The following RNF13 variants were observed in gnomAD, a reference collection of about 807,000 sequenced individuals.
RNF13 encodes ring finger protein 13.
RNF13 carries 19 observed loss-of-function variants against 37.7 expected under a neutral mutation model. The ratio of observed to expected loss-of-function variants is 0.50; its 90% CI spans 0.35 to 0.74. The LOEUF is 0.74. Among genes scored for constraint, RNF13 ranks in the 30% least tolerant of loss-of-function variants. RNF13 has a pLI of 0.01. For synonymous variants in RNF13, 144 were observed against 157.8 expected (o/e 0.91, Z 0.65); for missense variants, 375 against 453.0 (o/e 0.83, Z 1.56).
chr3:149,869,355 C>A lies in RNF13; in HGVS notation c.196-2674C>A, dbSNP rs796129932. On this transcript the variant is annotated intron_variant, in intron 3 of 9. Coordinates refer to ENST00000392894, the MANE Select transcript of RNF13 (RefSeq NM_183381.3). ...GCGCGGTGGCTCACGCCTGTAATCCCAGCACTTTGGGAGGCTGAGGCGGGC... is the reference window on the plus strand; with the variant it reads ...GCGCGGTGGCTCACGCCTGTAATCCAAGCACTTTGGGAGGCTGAGGCGGGC... 3.9e-5 allele frequency among the ~76,000 whole-genome samples: 6 copies of A among 151,976 alleles called. No individual in the cohort carries two copies. In the East Asian group the frequency reaches 9.6e-4, roughly 24 times the overall value.
At chr3:149,839,761 A>AT (rs202123548) in intron 1 of RNF13, among the ~76,000 whole-genome samples, 1,833 of 152,176 alleles carry the variant, frequency 0.012, 30 homozygotes, top group African/African-American at 0.041. Context: ...ATAGCTAAGG[A>AT]TTTTTTTAAA....
At chr3:149,887,567 T>G (rs59133875) in intron 4 of RNF13, among the ~76,000 whole-genome samples, 2,758 of 152,320 alleles carry the variant, frequency 0.018, 90 homozygotes, top group African/African-American at 0.062. Context: ...CCCAAAGTGC[T>G]GGGATTACAG....
At chr3:149,857,957 G>T (rs1052601933) in intron 3 of RNF13, among the ~76,000 whole-genome samples, 1 of 152,150 alleles carries the variant, frequency 6.6e-6, no homozygotes, top group Non-Finnish European at 1.5e-5. Context: ...GGTCATGGGG[G>T]CAGATCCCTC....
chr3:149,874,013 A>G (rs779851899), intron 4 of RNF13, among the ~76,000 whole-genome samples: 1 of 152,216 alleles, frequency 6.6e-6, no homozygotes, highest in African/African-American at 2.4e-5. Flanking sequence ...AAACATGTAC[A>G]TATGAAAAAC....
chr3:149,817,025 A>C (rs1272535602), intron 1 of RNF13, among the ~76,000 whole-genome samples: 1 of 152,224 alleles, frequency 6.6e-6, no homozygotes, highest in African/African-American at 2.4e-5. Context: ...TTTTGGTGGA[A>C]GGAGATTTAG....
chr3:149,961,412 T>C lies in RNF13; in HGVS notation c.*308T>C, dbSNP rs568539592. The C allele has an allele frequency of 1.3e-4, 68 of 505,502 alleles. No homozygotes were observed. Among genetic ancestry groups the C allele is most frequent in the African/African-American group, 1.1e-3 (59 of 51,412 alleles). 31.3% of individuals were successfully genotyped at this position (505,502 alleles called of 1,614,324 possible). A position where few individuals can be genotyped will look rare whatever the true frequency, so the allele number is the denominator to read the frequency against. On this transcript the variant is annotated 3_prime_UTR_variant, in exon 10 of 10. Transcript: ENST00000392894. Reference sequence around the variant, plus strand: ...CTTGCAATTAAGACCTAGATCACAGTATTTAAGTGTTTTGCGTTTTATACA... The same window carrying C: ...CTTGCAATTAAGACCTAGATCACAGCATTTAAGTGTTTTGCGTTTTATACA...
At chr3:149,840,399 A>C (rs1480068980) in intron 1 of RNF13, among the ~76,000 whole-genome samples, 1 of 152,176 alleles carries the variant, frequency 6.6e-6, no homozygotes, top group Non-Finnish European at 1.5e-5. Flanking sequence ...ATACAGAGTT[A>C]TATTCTGTCT....
intron 8 of RNF13, among the ~76,000 whole-genome samples, chr3:149,921,544 A>G (rs1718131234): frequency 6.6e-6 from 1 of 152,020 alleles, no homozygotes; most frequent in Non-Finnish European, 1.5e-5. Flanking sequence ...GAGTGAGAAC[A>G]CGCAGTGTTT....
chr3:149,905,528 T>A (rs1716301490), intron 6 of RNF13, among the ~76,000 whole-genome samples: 1 of 152,016 alleles, frequency 6.6e-6, no homozygotes, highest in African/African-American at 2.4e-5. Flanking sequence ...TTTGAAATTT[T>A]TATTTCACTA....
chr3:149,932,224 T>C (rs13089897), intron 8 of RNF13, among the ~76,000 whole-genome samples: 50,522 of 152,078 alleles, frequency 0.33, 10,109 homozygotes, highest in East Asian at 0.63. Flanking sequence ...CTGGATCATA[T>C]GGTGGTTTCA....
At position 149,961,970 on chromosome 3, in the gene RNF13, C is replaced by T. The variant is rs560116298; in HGVS notation, c.*866C>T. On this transcript the variant is annotated 3_prime_UTR_variant, in exon 10 of 10. Coordinates refer to ENST00000392894, the MANE Select transcript of RNF13 (RefSeq NM_183381.3). ...AGTAAGTGACTTATGTTTAACAGAA[C>T]TAATGATGTATTGAAACACTGTATT... is the stretch of plus-strand genomic sequence containing the variant. The T allele has an allele frequency of 2.0e-5, 3 of 152,760 alleles. No individual in the cohort carries two copies. The South Asian group carries it at 6.2e-4, about 32-fold the overall frequency. The allele number at this position is 152,760 out of a possible 1,614,324, so 9.5% of individuals were successfully genotyped here.
chr3:149,871,518 T>TAAATA (rs2108441032), intron 3 of RNF13, among the ~76,000 whole-genome samples: 1 of 151,654 alleles, frequency 6.6e-6, no homozygotes, highest in Admixed American at 6.6e-5. Flanking sequence ...CTATAATTGT[T>TAAATA]TAAATAGTTA....
chr3:149,857,604 A>G (rs1414000219), intron 3 of RNF13, among the ~76,000 whole-genome samples: 3 of 152,216 alleles, frequency 2.0e-5, no homozygotes, highest in South Asian at 2.1e-4. Flanking sequence ...ATTCAGAACT[A>G]TACAACTGTT....
chr3:149,959,630 G>A (rs1398795684), intron 8 of RNF13, among the ~76,000 whole-genome samples: 7 of 152,152 alleles, frequency 4.6e-5, no homozygotes, highest in Non-Finnish European at 1.0e-4. Flanking sequence ...GAAGTCCAGT[G>A]TGACTCATTT....
intron 8 of RNF13, chr3:149,938,932 A>G (rs1576570089): frequency 1.1e-5 from 4 of 378,680 alleles, no homozygotes; most frequent in Non-Finnish European, 2.0e-5. Context: ...CCAGATATCA[A>G]CTGTTACAGA....
At chr3:149,845,471 T>TAG (rs575733738) in intron 1 of RNF13, among the ~76,000 whole-genome samples, 10 of 152,114 alleles carry the variant, frequency 6.6e-5, no homozygotes, top group Non-Finnish European at 1.3e-4. Flanking sequence ...GAAAAAAGCA[T>TAG]AGATTGTTAG....
chr3:149,825,139 TG>T (rs1371473857), intron 1 of RNF13, among the ~76,000 whole-genome samples: 6 of 151,698 alleles, frequency 4.0e-5, no homozygotes, highest in Non-Finnish European at 7.4e-5. Flanking sequence ...TTGTATTTTT[TG>T]TAGAGACAGA....
intron 8 of RNF13, among the ~76,000 whole-genome samples, chr3:149,940,566 T>G (rs1428897230): frequency 6.6e-6 from 1 of 152,150 alleles, no homozygotes; most frequent in Non-Finnish European, 1.5e-5. Context: ...ATATCATTTT[T>G]CTTCTCTTTA....
At chr3:149,941,531 T>G (rs888769591) in intron 8 of RNF13, among the ~76,000 whole-genome samples, 13 of 137,304 alleles carry the variant, frequency 9.5e-5, no homozygotes, top group Admixed American at 2.8e-4. Context: ...TTAAATTAGG[T>G]TTTTTTTTTT....
Sources: gnomAD v4.1 joint callset for allele counts (sites outside exome capture counted in the v4.1 genomes callset) on GRCh38, gnomAD v4.1.1 for gene constraint, MANE v1.5 for transcripts, NCBI Gene and HGNC (gene_info 2026-07-23, HGNC 2026-07-21) for gene names.